CPNE4: variants seen among roughly 807,000 people sequenced by gnomAD.
The protein encoded by CPNE4 is copine 4, also known as copine-4.
In CPNE4, 25 loss-of-function variants were observed where a neutral mutation model predicts 67.9. The observed-to-expected ratio is 0.37, with a 90% CI of 0.27 to 0.51. The LOEUF (loss-of-function observed/expected upper bound fraction) is 0.51. Ranked by LOEUF, CPNE4 falls within the 20% of genes least tolerant of loss-of-function variation. CPNE4 has a pLI of 0.93. For missense variants in CPNE4, 464 were observed against 690.8 expected (o/e 0.67, Z 3.68); for synonymous variants, 242 against 244.9 (o/e 0.99, Z 0.11).
chr3:131,669,846 AC>A, intron 6 of CPNE4, 82 bp from the exon 7 acceptor site: 1 of 1,069,998 alleles, frequency 9.3e-7, no homozygotes. Flanking sequence ...TGCTTGAGAA[AC>A]CATTGTGATG....
intron 2 of CPNE4, among the ~76,000 whole-genome samples, chr3:131,824,240 C>T (rs936330431): frequency 2.6e-5 from 4 of 151,610 alleles, no homozygotes; most frequent in African/African-American, 4.9e-5. Flanking sequence ...GAAATCATAA[C>T]CCAGTTATCC....
Position 132,014,802 on chromosome 3 carries a change from G to C in CPNE4, c.-2+19765C>G, listed in dbSNP as rs1216433864. On this transcript the variant is annotated intron_variant, in intron 1 of 15. Transcript: ENST00000429747. ...AATAGGATAGCTTTTAATTATTTTAGTATTATATACTTCCAAAGTCATTGT... is the reference window on the plus strand; with the variant it reads ...AATAGGATAGCTTTTAATTATTTTACTATTATATACTTCCAAAGTCATTGT... Among the ~76,000 whole-genome samples the C allele has an allele frequency of 2.0e-5, 3 of 152,086 alleles. No homozygotes were observed. The East Asian group carries it at 5.8e-4, about 29-fold the overall frequency.
chr3:131,965,202 C>G (rs1305310990), intron 1 of CPNE4, among the ~76,000 whole-genome samples: 2 of 152,290 alleles, frequency 1.3e-5, no homozygotes, highest in Non-Finnish European at 2.9e-5. Flanking sequence ...CCAGGCCTGC[C>G]TTACAAGAGC....
Position 132,034,692 on chromosome 3 carries a change from A to G in CPNE4, c.-127T>C. 3.0e-6 allele frequency: 3 copies of G among 985,294 alleles called. No homozygotes were observed. The highest frequency in any genetic ancestry group is 3.6e-6 in the Non-Finnish European group (3 of 830,012). 61.0% of individuals were successfully genotyped at this position (985,294 alleles called of 1,614,324 possible). The stretch of plus-strand genomic sequence containing the variant: ...GGTGTGGTAGTTTTGTACTGATGTA[A>G]GGGGCGTCGCACCTCCTTCCCCTCT... On this transcript the variant is annotated 5_prime_UTR_variant, in exon 1 of 16. Transcript: ENST00000429747.
chr3:131,926,378 A>G (rs1019713827), intron 1 of CPNE4, among the ~76,000 whole-genome samples: 2 of 152,228 alleles, frequency 1.3e-5, no homozygotes, highest in East Asian at 3.9e-4. Flanking sequence ...CGACACACTA[A>G]GAATTTAAGA....
chr3:132,028,744 G>C lies in CPNE4; in HGVS notation c.-2+5823C>G, dbSNP rs1291027405. Among the ~76,000 whole-genome samples, 3 of 152,058 alleles carry C rather than the reference G, an allele frequency of 2.0e-5. No homozygotes were observed. In the East Asian group the frequency reaches 5.8e-4, roughly 29 times the overall value. ...TAGGGTAGCCACTACCCACATAGGA[G>C]CATTAAGCACTTAAAATGTGGCAAA... On this transcript the variant is annotated intron_variant, in intron 1 of 15. Transcript: ENST00000429747.
intron 5 of CPNE4, among the ~76,000 whole-genome samples, chr3:131,691,726 C>A (rs1315675031): frequency 6.6e-6 from 1 of 151,864 alleles, no homozygotes; most frequent in African/African-American, 2.4e-5. Flanking sequence ...AAAAAGTGGG[C>A]TACTATGATG....
At chr3:131,640,392 A>G (rs2079510109) in intron 7 of CPNE4, among the ~76,000 whole-genome samples, 1 of 152,110 alleles carries the variant, frequency 6.6e-6, no homozygotes, top group African/African-American at 2.4e-5. Context: ...CAAATAAAGA[A>G]CTCAACCCCT....
intron 2 of CPNE4, among the ~76,000 whole-genome samples, chr3:131,852,202 A>G (rs2086267937): frequency 6.6e-6 from 1 of 152,088 alleles, no homozygotes; most frequent in African/African-American, 2.4e-5. Flanking sequence ...GAGATCAGAA[A>G]TAGATTTCCT....
At chr3:131,545,179 G>C (rs1463097528) in intron 14 of CPNE4, among the ~76,000 whole-genome samples, 1 of 151,946 alleles carries the variant, frequency 6.6e-6, no homozygotes, top group African/African-American at 2.4e-5. Flanking sequence ...TTTTATTTAT[G>C]GACACTGATT....
At chr3:131,594,928 A>C (rs1389535140) in intron 7 of CPNE4, among the ~76,000 whole-genome samples, 1 of 152,242 alleles carries the variant, frequency 6.6e-6, no homozygotes, top group Non-Finnish European at 1.5e-5. Flanking sequence ...GAAGGCATAC[A>C]AATGGCCAAC....
intron 2 of CPNE4, among the ~76,000 whole-genome samples, chr3:131,850,986 C>T (rs1010029778): frequency 1.3e-5 from 2 of 152,064 alleles, no homozygotes; most frequent in South Asian, 2.1e-4. Flanking sequence ...CCACTTCTCC[C>T]GCACTTGTGT....
chr3:132,028,926 T>C (rs1333199375), intron 1 of CPNE4, among the ~76,000 whole-genome samples: 3 of 74,828 alleles, frequency 4.0e-5, no homozygotes, highest in Non-Finnish European at 6.7e-5. Flanking sequence ...TAATTTTTCT[T>C]TTTTTTTTTT....
intron 1 of CPNE4, among the ~76,000 whole-genome samples, chr3:131,914,730 A>G (rs2089119440): frequency 6.6e-6 from 1 of 152,206 alleles, no homozygotes; most frequent in South Asian, 2.1e-4. Context: ...TAATCCCAGC[A>G]CTGTGGGAGG....
intron 2 of CPNE4, among the ~76,000 whole-genome samples, chr3:131,723,897 CATT>C (rs2081945223): frequency 2.6e-5 from 4 of 152,188 alleles, no homozygotes; most frequent in Admixed American, 2.6e-4. Context: ...ATCATTATAT[CATT>C]ATGTCATTTT....
At chr3:131,659,816 T>A (rs149314073) in intron 7 of CPNE4, among the ~76,000 whole-genome samples, 1 of 152,252 alleles carries the variant, frequency 6.6e-6, no homozygotes, top group Non-Finnish European at 1.5e-5. Context: ...TCATCCCAGA[T>A]TGCTGAGAGA....
chr3:131,764,005 G>T (rs373539138), intron 2 of CPNE4, among the ~76,000 whole-genome samples: 1 of 152,040 alleles, frequency 6.6e-6, no homozygotes, highest in African/African-American at 2.4e-5. Context: ...ACAACCCTAT[G>T]AGGCAATACT....
At chr3:131,697,588 C>T (rs1008813077) in intron 4 of CPNE4, among the ~76,000 whole-genome samples, 1 of 152,042 alleles carries the variant, frequency 6.6e-6, no homozygotes, top group Non-Finnish European at 1.5e-5. Flanking sequence ...AGATGGCTAC[C>T]TTAAGACAGA....
intron 3 of CPNE4, among the ~76,000 whole-genome samples, chr3:131,716,829 G>A (rs2081703485): frequency 6.6e-6 from 1 of 152,192 alleles, no homozygotes; most frequent in Non-Finnish European, 1.5e-5. Flanking sequence ...ATTTGCCTCT[G>A]GACAAACAAG....
Sources: gnomAD v4.1 joint callset for allele counts (sites outside exome capture counted in the v4.1 genomes callset) on GRCh38, gnomAD v4.1.1 for gene constraint, MANE v1.5 for transcripts, NCBI Gene and HGNC (gene_info 2026-07-23, HGNC 2026-07-21) for gene names.